SIRPA: variants seen among roughly 807,000 people sequenced by gnomAD.
SIRPA encodes signal regulatory protein alpha, also known as tyrosine-protein phosphatase non-receptor type substrate 1.
Under a neutral mutation model 50.3 loss-of-function variants are expected in SIRPA, and 9 were observed. The ratio of observed to expected loss-of-function variants is 0.18; its 90% CI spans 0.11 to 0.31. SIRPA has a LOEUF of 0.31. Ranked by LOEUF, SIRPA falls within the 10% of genes least tolerant of loss-of-function variation. SIRPA has a pLI of 1.00. For missense variants in SIRPA, 474 were observed against 661.6 expected (o/e 0.72, Z 3.11); for synonymous variants, 265 against 284.1 (o/e 0.93, Z 0.68).
At chr20:1,903,706 C>T (rs758446781) in intron 1 of SIRPA, among the ~76,000 whole-genome samples, 4 of 152,168 alleles carry the variant, frequency 2.6e-5, no homozygotes, top group Non-Finnish European at 4.4e-5. Flanking sequence ...GCTGTCTCTT[C>T]TACGGGAGCA....
At chr20:1,931,988 G>A (rs1986322957) in intron 6 of SIRPA, among the ~76,000 whole-genome samples, 1 of 152,198 alleles carries the variant, frequency 6.6e-6, no homozygotes, top group South Asian at 2.1e-4. Context: ...CTTGAGCAGA[G>A]GGTTGCAAAG....
intron 1 of SIRPA, among the ~76,000 whole-genome samples, chr20:1,901,163 C>CTTTTTTT (rs869181595): frequency 1.1e-3 from 90 of 78,884 alleles, no homozygotes; most frequent in Non-Finnish European, 1.4e-3. Flanking sequence ...TTCTTTCTTT[C>CTTTTTTT]TTTTTTTTTT....
In SIRPA at chr20:1,934,304, T is replaced by TC. The variant is rs1265303533; in HGVS notation, c.1227-406dup. ...TGAAAGCTTTTTCTATATTTTGAATTCCCCCAAAAAAAAGTGCAATTATGA... is the reference window on the plus strand; with the variant it reads ...TGAAAGCTTTTTCTATATTTTGAATTCCCCCCAAAAAAAAGTGCAATTATGA... On this transcript the variant is annotated intron_variant, in intron 6 of 7. Transcript: ENST00000358771. The surrounding 1 kb of genome is among the most constrained non-coding windows in gnomAD (Gnocchi z 4.6). 6.6e-6 allele frequency among the ~76,000 whole-genome samples: 1 copy of TC among 152,030 alleles called. No homozygotes were observed. The highest frequency in any genetic ancestry group is 1.5e-5 in the Non-Finnish European group (1 of 68,008).
chr20:1,934,593 G>T lies in SIRPA; in HGVS notation c.1227-122G>T. ...TGATATGCAGTTGTATTTCTGTTATGAGTCCTTCGTTCATGTCCTCAACCC... is the reference window on the plus strand; with the variant it reads ...TGATATGCAGTTGTATTTCTGTTATTAGTCCTTCGTTCATGTCCTCAACCC... On this transcript the variant is annotated intron_variant, in intron 6 of 7. Transcript: ENST00000358771. The surrounding 1 kb of genome is among the most constrained non-coding windows in gnomAD (Gnocchi z 4.6). 1.2e-6 allele frequency: 1 copy of T among 837,864 alleles called. No homozygotes were observed. The allele number at this position is 837,864 out of a possible 1,614,324, so 51.9% of individuals were successfully genotyped here.
At chr20:1,930,232 C>T (rs1326017874) in intron 6 of SIRPA, among the ~76,000 whole-genome samples, 4 of 152,148 alleles carry the variant, frequency 2.6e-5, no homozygotes, top group Non-Finnish European at 4.4e-5. Flanking sequence ...CCTCCAGGGT[C>T]GGAGGGCTTC....
chr20:1,903,467 G>A (rs1488223343), intron 1 of SIRPA, among the ~76,000 whole-genome samples: 5 of 152,146 alleles, frequency 3.3e-5, no homozygotes, highest in African/African-American at 7.2e-5. Context: ...GCTGCTTTCC[G>A]CAGCCGTCCT....
chr20:1,903,028 A>AG (rs1555768868), intron 1 of SIRPA, among the ~76,000 whole-genome samples: 5 of 119,332 alleles, frequency 4.2e-5, no homozygotes, highest in Non-Finnish European at 8.6e-5. Flanking sequence ...AAAAAAAAAA[A>AG]AAAAGAAAAG....
In SIRPA at chr20:1,924,625, A is replaced by G. The variant is rs1985869505; in HGVS notation, c.1088-139A>G. The G allele has an allele frequency of 4.4e-6, 3 of 682,298 alleles. No individual in the cohort carries two copies. Among genetic ancestry groups the G allele is most frequent in the Admixed American group, 2.2e-5 (1 of 45,602 alleles). 42.3% of individuals were successfully genotyped at this position (682,298 alleles called of 1,614,324 possible). Reference sequence around the variant, plus strand: ...TGTGTACAGACCCATGAGTGTGCCCATGTGGCTCGAGACATCTAAGAAGGT... The same window carrying G: ...TGTGTACAGACCCATGAGTGTGCCCGTGTGGCTCGAGACATCTAAGAAGGT... On this transcript the variant is annotated intron_variant, in intron 4 of 7. Coordinates refer to ENST00000358771, the MANE Select transcript of SIRPA (RefSeq NM_001040023.2). The surrounding 1 kb of genome is among the most constrained non-coding windows in gnomAD (Gnocchi z 4.5).
intron 2 of SIRPA, among the ~76,000 whole-genome samples, chr20:1,916,404 A>T (rs1234268893): frequency 6.6e-6 from 1 of 152,202 alleles, no homozygotes; most frequent in African/African-American, 2.4e-5. Flanking sequence ...TCTGGACCAG[A>T]GCCCACATCT....
intron 2 of SIRPA, among the ~76,000 whole-genome samples, chr20:1,920,821 T>C (rs1320214224): frequency 6.6e-6 from 1 of 152,262 alleles, no homozygotes; most frequent in African/African-American, 2.4e-5. Flanking sequence ...CTTCTGTGTT[T>C]ATCCAAAGCA....
At chr20:1,904,866 C>T (rs2123015615) in intron 1 of SIRPA, among the ~76,000 whole-genome samples, 2 of 152,232 alleles carry the variant, frequency 1.3e-5, no homozygotes, top group Admixed American at 6.5e-5. Context: ...TCCACAGACT[C>T]CTCTGGGAGG....
At chr20:1,900,687 C>G (rs1984139038) in intron 1 of SIRPA, among the ~76,000 whole-genome samples, 1 of 152,260 alleles carries the variant, frequency 6.6e-6, no homozygotes, top group South Asian at 2.1e-4. Flanking sequence ...GCTGGAACGC[C>G]AAGCCTCCTG....
Position 1,939,457 on chromosome 20 carries a change from C to T in SIRPA, c.*1889C>T, listed in dbSNP as rs1418943597. Reference sequence around the variant, plus strand: ...GTGTGGCATCTGGGAGCCACAGTGACCCAGCCACCTGGCTCAGGCTAGTTC... The same window carrying T: ...GTGTGGCATCTGGGAGCCACAGTGATCCAGCCACCTGGCTCAGGCTAGTTC... On this transcript the variant is annotated 3_prime_UTR_variant, in exon 8 of 8. Coordinates refer to ENST00000358771, the MANE Select transcript of SIRPA (RefSeq NM_001040023.2). The surrounding 1 kb of genome is among the most constrained non-coding windows in gnomAD (Gnocchi z 4.7). 3.3e-5 allele frequency: 5 copies of T among 152,320 alleles called. No homozygotes were observed. In the East Asian group the frequency reaches 9.6e-4, roughly 29 times the overall value. 9.4% of individuals were successfully genotyped at this position (152,320 alleles called of 1,614,324 possible).
intron 1 of SIRPA, among the ~76,000 whole-genome samples, chr20:1,909,256 C>G (rs1984737416): frequency 6.6e-6 from 1 of 152,248 alleles, no homozygotes; most frequent in African/African-American, 2.4e-5. Context: ...CTGCCTGTCC[C>G]TGTGGCTTGT....
Position 1,936,264 on chromosome 20 carries a change from A to G in SIRPA, c.1267-1056A>G, listed in dbSNP as rs1278664744. Among the ~76,000 whole-genome samples the G allele has an allele frequency of 1.3e-5, 2 of 152,196 alleles. No individual in the cohort carries two copies. Among genetic ancestry groups the G allele is most frequent in the Non-Finnish European group, 2.9e-5 (2 of 68,034 alleles). On this transcript the variant is annotated intron_variant, in intron 7 of 7. Transcript: ENST00000358771. The surrounding 1 kb of genome is among the most constrained non-coding windows in gnomAD (Gnocchi z 4.2). Reference sequence around the variant, plus strand: ...CTTTTGAGGCGGCAGTGGCAGGTTGATAGGATTAGCACATGGGAGGTATCC... The same window carrying G: ...CTTTTGAGGCGGCAGTGGCAGGTTGGTAGGATTAGCACATGGGAGGTATCC...
chr20:1,905,555 G>A (rs1271673066), intron 1 of SIRPA, among the ~76,000 whole-genome samples: 1 of 152,238 alleles, frequency 6.6e-6, no homozygotes, highest in African/African-American at 2.4e-5. Flanking sequence ...CAGGGCAATG[G>A]TTGGGGCCTG....
rs556148614 is a variant in SIRPA, at chr20:1,928,647, CTT to C, written c.1226+749_1226+750del. Among the ~76,000 whole-genome samples the C allele has an allele frequency of 1.2e-4, 19 of 152,194 alleles. No homozygotes were observed. In the South Asian group the frequency reaches 3.5e-3, roughly 28 times the overall value. On this transcript the variant is annotated intron_variant, in intron 6 of 7. Transcript: ENST00000358771. This position sits in a 1 kb window ranked among gnomAD's most constrained non-coding sequence, Gnocchi z 4.9. Reference sequence around the variant, plus strand: ...ATGGAGGTGAATGGTGGGGGGCTGTCTTAGGCAGAGGAAGGGACTGCCTCTGA... The same window carrying C: ...ATGGAGGTGAATGGTGGGGGGCTGTCAGGCAGAGGAAGGGACTGCCTCTGA...
Position 1,939,562 on chromosome 20 carries a change from GCA to G in SIRPA, c.*2003_*2004del, listed in dbSNP as rs1223105331. 6.6e-6 allele frequency: 1 copy of G among 152,188 alleles called. No individual in the cohort carries two copies. The highest frequency in any genetic ancestry group is 1.9e-4 in the East Asian group (1 of 5,196). 9.4% of individuals were successfully genotyped at this position (152,188 alleles called of 1,614,324 possible). ...ACAGCACATACGTGTGCACACGCAT[GCA>G]CACACACATTCAGTATTTTAAAAGA... On this transcript the variant is annotated 3_prime_UTR_variant, in exon 8 of 8. Transcript: ENST00000358771. This position sits in a 1 kb window ranked among gnomAD's most constrained non-coding sequence, Gnocchi z 4.7.
intron 1 of SIRPA, among the ~76,000 whole-genome samples, chr20:1,908,730 T>C (rs1214820173): frequency 6.6e-6 from 1 of 152,232 alleles, no homozygotes; most frequent in Non-Finnish European, 1.5e-5. Context: ...TGTACAGCCC[T>C]GTACTACATC....
Sources: gnomAD v4.1 joint callset for allele counts (sites outside exome capture counted in the v4.1 genomes callset) on GRCh38, gnomAD v4.1.1 for gene constraint, Gnocchi (gnomAD v3.1) non-coding constraint, MANE v1.5 for transcripts, NCBI Gene and HGNC (gene_info 2026-07-23, HGNC 2026-07-21) for gene names.